Variants in SLC4A4 observed in about 807,000 individuals in gnomAD.
SLC4A4 encodes solute carrier family 4 member 4.
Under a neutral mutation model 111.5 loss-of-function variants are expected in SLC4A4, and 27 were observed. That is an observed-to-expected ratio of 0.24 (90% CI 0.18 to 0.33). SLC4A4 has a LOEUF of 0.33. Ranked by LOEUF, SLC4A4 falls within the 10% of genes least tolerant of loss-of-function variation. The probability of loss-of-function intolerance (pLI) is 1.00; values close to 1 mark genes in which losing one functional copy is unlikely to be tolerated. For missense variants in SLC4A4, 909 were observed against 1,315.5 expected (o/e 0.69, Z 4.78); for synonymous variants, 443 against 463.4 (o/e 0.96, Z 0.57).
chr4:71,350,913 A>G (rs1162429380), intron 5 of SLC4A4, among the ~76,000 whole-genome samples: 5 of 152,150 alleles, frequency 3.3e-5, no homozygotes, highest in Non-Finnish European at 2.9e-5. Context: ...TCACCTGGTT[A>G]TGGAATTTCC....
intron 6 of SLC4A4, among the ~76,000 whole-genome samples, chr4:71,385,171 T>TTATATATATATA (rs199563560): frequency 1.7e-4 from 7 of 40,014 alleles, no homozygotes; most frequent in Admixed American, 5.8e-4. Flanking sequence ...TAGGTTAGAT[T>TTATATATATATA]TATATATATA....
intron 2 of SLC4A4, among the ~76,000 whole-genome samples, chr4:71,144,161 A>C (rs1344214345): frequency 1.3e-5 from 2 of 152,222 alleles, no homozygotes; most frequent in Non-Finnish European, 1.5e-5. Context: ...AGCTTTCTAC[A>C]TATGGTTAGC....
At chr4:71,403,113 C>T (rs551897412) in intron 7 of SLC4A4, among the ~76,000 whole-genome samples, 21 of 152,206 alleles carry the variant, frequency 1.4e-4, no homozygotes, top group South Asian at 2.1e-4. Flanking sequence ...CATTTAAGAA[C>T]GGGTTTTGTA....
At chr4:71,490,376 A>G (rs539768709) in intron 15 of SLC4A4, among the ~76,000 whole-genome samples, 1 of 151,894 alleles carries the variant, frequency 6.6e-6, no homozygotes, top group South Asian at 2.1e-4. Flanking sequence ...CACAGTTCTG[A>G]AGTATTCATT....
intron 2 of SLC4A4, among the ~76,000 whole-genome samples, chr4:71,176,443 T>C (rs1350644311): frequency 6.6e-6 from 1 of 151,920 alleles, no homozygotes; most frequent in African/African-American, 2.4e-5. Flanking sequence ...AAAAATTAGA[T>C]GAATGGCTAA....
At chr4:71,213,578 G>C (rs1034579946) in intron 1 of SLC4A4, among the ~76,000 whole-genome samples, 1 of 152,124 alleles carries the variant, frequency 6.6e-6, no homozygotes, top group African/African-American at 2.4e-5. Flanking sequence ...TATTGATAGA[G>C]TAAAAGATGA....
intron 2 of SLC4A4, among the ~76,000 whole-genome samples, chr4:71,145,063 A>C (rs181923107): frequency 7.2e-4 from 110 of 152,308 alleles, no homozygotes; most frequent in African/African-American, 2.6e-3. Flanking sequence ...TTGTCCATTC[A>C]GTATGATATT....
intron 7 of SLC4A4, among the ~76,000 whole-genome samples, chr4:71,431,714 A>C (rs1466277504): frequency 1.3e-5 from 2 of 152,108 alleles, no homozygotes; most frequent in Non-Finnish European, 2.9e-5. Context: ...TTGCCTTAAA[A>C]TATATACTTC....
chr4:71,563,759 A>C (rs766134989), intron 23 of SLC4A4, 34 bp from the exon 24 acceptor site: 1 of 1,345,764 alleles, frequency 7.4e-7, no homozygotes. Context: ...TATAATAAAA[A>C]CATTCTAAAA....
intron 2 of SLC4A4, among the ~76,000 whole-genome samples, chr4:71,114,194 C>T (rs183189688): frequency 6.6e-6 from 1 of 152,214 alleles, no homozygotes; most frequent in African/African-American, 2.4e-5. Context: ...TGCAGTGAGT[C>T]GAGATGGCGC....
At chr4:71,388,402 A>T (rs1281762926) in intron 6 of SLC4A4, among the ~76,000 whole-genome samples, 2 of 152,082 alleles carry the variant, frequency 1.3e-5, no homozygotes, top group Non-Finnish European at 2.9e-5. Context: ...TATTTAGTAA[A>T]TTTTCCAGTC....
At chr4:71,066,540 T>G (rs1013445533) in intron 1 of SLC4A4, among the ~76,000 whole-genome samples, 2 of 152,188 alleles carry the variant, frequency 1.3e-5, no homozygotes, top group African/African-American at 4.8e-5. Context: ...AGTTTTTGAT[T>G]CATACATAGC....
chr4:71,120,355 G>A (rs773314512), intron 2 of SLC4A4, among the ~76,000 whole-genome samples: 1 of 152,122 alleles, frequency 6.6e-6, no homozygotes, highest in Non-Finnish European at 1.5e-5. Context: ...GTTTTCTGAA[G>A]TTACAGTCCT....
At chr4:71,443,990 A>G (rs1003249155) in intron 8 of SLC4A4, among the ~76,000 whole-genome samples, 3 of 152,208 alleles carry the variant, frequency 2.0e-5, no homozygotes, top group Non-Finnish European at 4.4e-5. Flanking sequence ...TGAATCCATT[A>G]TGGAAGCCAC....
rs1262530676 is a variant in SLC4A4, at chr4:71,081,262, T to C, written c.-64-11468T>C. 2.6e-5 allele frequency among the ~76,000 whole-genome samples: 4 copies of C among 152,236 alleles called. No homozygotes were observed. In the East Asian group the frequency reaches 7.7e-4, roughly 29 times the overall value. On this transcript the variant is annotated intron_variant, in intron 1 of 26. Coordinates refer to the SLC4A4 transcript ENST00000649996. ...GTGGAAGTTCCTTTCCTCTGTATAT[T>C]TGTGGAAATTCCCCCACAAATTGTT...
intron 3 of SLC4A4, among the ~76,000 whole-genome samples, chr4:71,280,983 G>A (rs1723469796): frequency 6.6e-6 from 1 of 152,144 alleles, no homozygotes; most frequent in South Asian, 2.1e-4. Context: ...GCTACAGGAA[G>A]TGGTCACTGC....
intron 3 of SLC4A4, among the ~76,000 whole-genome samples, chr4:71,282,505 G>T (rs965499723): frequency 1.3e-5 from 2 of 150,106 alleles, no homozygotes; most frequent in Non-Finnish European, 2.9e-5. Context: ...GGCTGGTCAC[G>T]AACACCTGAT....
chr4:71,115,203 A>C (rs867517093), intron 2 of SLC4A4, among the ~76,000 whole-genome samples: 2 of 132,890 alleles, frequency 1.5e-5, no homozygotes, highest in Admixed American at 7.5e-5. Context: ...GGGGGAGGGG[A>C]GAGGGATAGC....
chr4:71,365,400 G>C (rs1229176475), intron 6 of SLC4A4, among the ~76,000 whole-genome samples: 1 of 152,256 alleles, frequency 6.6e-6, no homozygotes, highest in African/African-American at 2.4e-5. Flanking sequence ...GGGAGCAATC[G>C]AAGTGTAGGT....
Sources: allele counts gnomAD v4.1 joint callset (sites outside exome capture counted in the v4.1 genomes callset), GRCh38; gene constraint gnomAD v4.1.1; transcripts MANE v1.5; gene names NCBI Gene and HGNC (gene_info 2026-07-23, HGNC 2026-07-21).